Variants in BBX observed in about 807,000 individuals in gnomAD.
The protein encoded by BBX is BBX high mobility group box domain containing, also known as HMG box transcription factor BBX.
A neutral mutation model predicts 100.2 loss-of-function variants in BBX; 30 were observed. The observed-to-expected ratio is 0.30, with a 90% CI of 0.22 to 0.41. The LOEUF is 0.41. Among genes scored for constraint, BBX ranks in the 10% least tolerant of loss-of-function variants. BBX has a pLI of 1.00. For missense variants in BBX, 1,023 were observed against 1,129.8 expected, an observed-to-expected ratio of 0.91 and a Z score of 1.35; for synonymous variants, 376 against 388.1, an observed-to-expected ratio of 0.97 and a Z score of 0.37.
chr3:107,739,119 A>G (rs1196754302), intron 7 of BBX, among the ~76,000 whole-genome samples: 2 of 152,212 alleles, frequency 1.3e-5, no homozygotes, highest in African/African-American at 4.8e-5. Context: ...AATAAAATGG[A>G]AACTTTTCAC....
Position 107,773,655 on chromosome 3 carries a change from C to T in BBX, c.1915+19C>T. On this transcript the variant is annotated intron_variant, in intron 11 of 17. Coordinates refer to ENST00000325805, the MANE Select transcript of BBX (RefSeq NM_001142568.3). The surrounding 1 kb of genome is among the most constrained non-coding windows in gnomAD (Gnocchi z 4.1). ...GACAGAGGTAAGTAACTTCTACAAA[C>T]CTGAAAAGAATTCAAAAACCAAACA... The T allele has an allele frequency of 6.4e-7, 1 of 1,570,554 alleles. No homozygotes were observed.
At chr3:107,781,973 G>A (rs1272322444) in intron 13 of BBX, among the ~76,000 whole-genome samples, 1 of 152,122 alleles carries the variant, frequency 6.6e-6, no homozygotes, top group Admixed American at 6.6e-5. Context: ...AGTACTTTCA[G>A]TCTTACAGAG....
At chr3:107,766,101 A>G (rs2066374735) in intron 10 of BBX, among the ~76,000 whole-genome samples, 1 of 152,224 alleles carries the variant, frequency 6.6e-6, no homozygotes, top group African/African-American at 2.4e-5. Context: ...CGTAAGGAAG[A>G]GTGAGTTTAA....
intron 7 of BBX, among the ~76,000 whole-genome samples, chr3:107,736,818 C>T (rs1432784726): frequency 2.6e-5 from 4 of 152,040 alleles, no homozygotes. Flanking sequence ...GTAAATTCAT[C>T]TTGGCTAGAA....
At chr3:107,674,186 T>C (rs563705241) in intron 3 of BBX, among the ~76,000 whole-genome samples, 33 of 152,188 alleles carry the variant, frequency 2.2e-4, no homozygotes, top group Non-Finnish European at 3.8e-4. Flanking sequence ...GGCATTCACA[T>C]GTAAATATCT....
At chr3:107,622,766 A>G (rs1354240356) in intron 2 of BBX, among the ~76,000 whole-genome samples, 1 of 151,692 alleles carries the variant, frequency 6.6e-6, no homozygotes, top group Non-Finnish European at 1.5e-5. Flanking sequence ...TTGTTATGAG[A>G]CTCTGGGTCT....
chr3:107,755,656 C>G lies in BBX; in HGVS notation c.884C>G (p.Ser295Cys). Residue 295 changes from serine to cysteine, a missense_variant, in exon 10 of 18, where the codon TCT (serine) becomes TGT (cysteine). Ser to Cys is a moderately radical substitution (Grantham distance 112). Transcript: ENST00000325805. ...GAEPVKRCGKSALFQLAEMCL... is the reference protein window; with the variant it reads ...GAEPVKRCGKCALFQLAEMCL... ...GAGCCTGTAAAACGCTGTGGAAAGT[C>G]TGCACTCTTTCAACTGGCAGAGGCA... The G allele has an allele frequency of 6.2e-7, 1 of 1,613,836 alleles. No individual in the cohort carries two copies. The highest frequency in any genetic ancestry group is 8.5e-7 in the Non-Finnish European group (1 of 1,179,816).
chr3:107,760,809 T>C (rs1365941596), intron 10 of BBX, among the ~76,000 whole-genome samples: 2 of 152,192 alleles, frequency 1.3e-5, no homozygotes, highest in African/African-American at 4.8e-5. Flanking sequence ...AGAGATCCTT[T>C]GTTTGGCCTA....
In BBX at chr3:107,642,362, G is replaced by C. The variant is rs146427985; in HGVS notation, c.-83-3474G>C. On this transcript the variant is annotated intron_variant, in intron 2 of 17. Transcript: ENST00000325805. ...ATGAGTCAAGAAGAAGATAAGAATTGTATCCATGTAAAGATGGAGAAGTAG... is the reference window on the plus strand; with the variant it reads ...ATGAGTCAAGAAGAAGATAAGAATTCTATCCATGTAAAGATGGAGAAGTAG... Among the ~76,000 whole-genome samples the C allele has an allele frequency of 2.2e-3, 335 of 152,312 alleles. 2 individuals are homozygous for C. The highest frequency in any genetic ancestry group is 7.0e-3 in the African/African-American group (293 of 41,570).
At chr3:107,625,592 C>G (rs2056110508) in intron 2 of BBX, among the ~76,000 whole-genome samples, 2 of 152,294 alleles carry the variant, frequency 1.3e-5, no homozygotes, top group South Asian at 4.1e-4. Context: ...TAATCTAATT[C>G]TAGATTCATC....
chr3:107,573,470 G>A (rs1430252011), intron 2 of BBX, among the ~76,000 whole-genome samples: 1 of 152,052 alleles, frequency 6.6e-6, no homozygotes, highest in Non-Finnish European at 1.5e-5. Flanking sequence ...CAGCAGAATC[G>A]CTTGAACCCA....
At chr3:107,787,162 G>A (rs1322269367) in intron 13 of BBX, among the ~76,000 whole-genome samples, 1 of 152,186 alleles carries the variant, frequency 6.6e-6, no homozygotes, top group Admixed American at 6.5e-5. Flanking sequence ...TGACAAAGAT[G>A]TAGAGAAATT....
intron 10 of BBX, among the ~76,000 whole-genome samples, chr3:107,763,037 GA>G (rs2066024082): frequency 6.6e-6 from 1 of 151,930 alleles, no homozygotes; most frequent in Non-Finnish European, 1.5e-5. Context: ...CAGTGTATAT[GA>G]AACATAAATG....
At chr3:107,596,872 T>C (rs1483107752) in intron 2 of BBX, among the ~76,000 whole-genome samples, 1 of 152,142 alleles carries the variant, frequency 6.6e-6, no homozygotes, top group Non-Finnish European at 1.5e-5. Context: ...AGGGTCTAAA[T>C]TGCTGTTTTC....
intron 2 of BBX, among the ~76,000 whole-genome samples, chr3:107,644,935 T>C (rs1224767021): frequency 2.6e-5 from 4 of 152,106 alleles, no homozygotes; most frequent in South Asian, 2.1e-4. Flanking sequence ...TAGTGGCTTA[T>C]TAGAAAAAAA....
chr3:107,565,168 A>G (rs2050787625), intron 2 of BBX, among the ~76,000 whole-genome samples: 1 of 152,092 alleles, frequency 6.6e-6, no homozygotes, highest in African/African-American at 2.4e-5. Context: ...AATTGATCAT[A>G]TATGTGGCCA....
At chr3:107,631,912 A>G (rs1295538089) in intron 2 of BBX, among the ~76,000 whole-genome samples, 1 of 152,244 alleles carries the variant, frequency 6.6e-6, no homozygotes, top group East Asian at 1.9e-4. Context: ...TCATTTTAAG[A>G]AAATGTATTT....
chr3:107,779,424 T>C (rs1378541365), intron 13 of BBX, among the ~76,000 whole-genome samples: 1 of 152,118 alleles, frequency 6.6e-6, no homozygotes, highest in Admixed American at 6.6e-5. Flanking sequence ...TCCATACATA[T>C]ATGAAATACT....
intron 16 of BBX, among the ~76,000 whole-genome samples, chr3:107,799,813 G>T (rs1417647590): frequency 6.6e-6 from 1 of 152,104 alleles, no homozygotes; most frequent in East Asian, 1.9e-4. Context: ...AGCCTCTTTG[G>T]CAGTAGAATG....
Sources: allele counts gnomAD v4.1 joint callset (sites outside exome capture counted in the v4.1 genomes callset), GRCh38; gene constraint gnomAD v4.1.1; non-coding constraint Gnocchi (gnomAD v3.1); transcripts MANE v1.5; gene names NCBI Gene and HGNC (gene_info 2026-07-23, HGNC 2026-07-21).